The following SLCO2A1 variants were observed in gnomAD, a reference collection of about 807,000 sequenced individuals.
SLCO2A1 encodes the protein solute carrier organic anion transporter family member 2A1.
A neutral mutation model predicts 71.7 loss-of-function variants in SLCO2A1; 60 were observed. That is an observed-to-expected ratio of 0.84 (90% CI 0.68 to 1.04). The LOEUF is 1.04. SLCO2A1 is among the 50% of genes least tolerant of loss of function. The pLI, the probability that SLCO2A1 is intolerant of heterozygous loss-of-function variation, is 0.00. For synonymous variants in SLCO2A1, 308 were observed against 326.7 expected, an observed-to-expected ratio of 0.94 and a Z score of 0.62; for missense variants, 745 against 813.4, an observed-to-expected ratio of 0.92 and a Z score of 1.02.
intron 6 of SLCO2A1, 76 bp from the exon 7 acceptor site, chr3:133,949,047 T>C: frequency 3.0e-6 from 4 of 1,314,946 alleles, no homozygotes; most frequent in Non-Finnish European, 4.4e-6. Context: ...CTTGAGTCTC[T>C]GGCCTCAGAA....
intron 4 of SLCO2A1, 71 bp from the exon 5 acceptor site, chr3:133,953,832 T>A: frequency 8.6e-7 from 1 of 1,163,182 alleles, no homozygotes; most frequent in Non-Finnish European, 1.3e-6. Context: ...GCTCCCAAGC[T>A]GAGGGGGAGT....
intron 1 of SLCO2A1, among the ~76,000 whole-genome samples, chr3:133,997,699 CTG>C (rs1450794785): frequency 6.6e-6 from 1 of 152,226 alleles, no homozygotes; most frequent in African/African-American, 2.4e-5. Flanking sequence ...GAATACATCT[CTG>C]TTGTTTTAAG....
At chr3:133,956,212 G>A (rs1159663705) in intron 3 of SLCO2A1, among the ~76,000 whole-genome samples, 1 of 152,212 alleles carries the variant, frequency 6.6e-6, no homozygotes, top group African/African-American at 2.4e-5. Context: ...TGAGCTAGGT[G>A]AGCCTAAGTC....
At chr3:133,971,652 G>A (rs1339674439) in intron 3 of SLCO2A1, among the ~76,000 whole-genome samples, 1 of 152,094 alleles carries the variant, frequency 6.6e-6, no homozygotes, top group Non-Finnish European at 1.5e-5. Flanking sequence ...AAAATAGCCT[G>A]GTTTCTAAGC....
At position 133,973,764 on chromosome 3, in the gene SLCO2A1, C is replaced by T. The variant is rs192851611; in HGVS notation, c.296G>A (p.Arg99His). 165 of 1,613,922 alleles carry T rather than the reference C, an allele frequency of 1.0e-4. 1 individual carries two copies. The highest frequency in any genetic ancestry group is 2.3e-4 in the South Asian group (21 of 91,016). ...GAAGAGACCTCCGATGCCAATCAGA[C>T]GTGGACGGTGCACCCGGCTGCCAAA... is the stretch of plus-strand genomic sequence containing the variant. ...SYFGSRVHRP[R>H]LIGIGGLFLA... is the part of the protein sequence containing the mutation. Residue 99 changes from arginine to histidine, a missense_variant, in exon 3 of 14, where the codon CGT becomes CAT. Physicochemically the swap from Arg to His is conservative, Grantham distance 29. Transcript: ENST00000310926.
intron 2 of SLCO2A1, among the ~76,000 whole-genome samples, chr3:133,974,231 T>C (rs1374280332): frequency 6.6e-6 from 1 of 152,198 alleles, no homozygotes; most frequent in Non-Finnish European, 1.5e-5. Flanking sequence ...GTACCTAAAG[T>C]TTAGGCAAAA....
chr3:133,956,640 C>T (rs1933905489), intron 3 of SLCO2A1, among the ~76,000 whole-genome samples: 1 of 152,216 alleles, frequency 6.6e-6, no homozygotes, highest in Admixed American at 6.5e-5. Context: ...GTTCATTATC[C>T]TGCCTTTCAA....
intron 10 of SLCO2A1, among the ~76,000 whole-genome samples, chr3:133,944,782 A>G (rs1933520139): frequency 1.3e-5 from 2 of 152,162 alleles, no homozygotes; most frequent in Non-Finnish European, 2.9e-5. Flanking sequence ...ATCTCTCAGG[A>G]TGGGGCTCAA....
At chr3:133,979,365 G>T in intron 2 of SLCO2A1, 116 bp downstream of exon 2, 1 of 1,306,662 alleles carries the variant, frequency 7.7e-7, no homozygotes, top group Non-Finnish European at 1.1e-6. Flanking sequence ...TTACCCGGCA[G>T]AAAGAGGCAT....
Position 133,973,705 on chromosome 3 carries a change from G to A in SLCO2A1, c.355C>T (p.His119Tyr), listed in dbSNP as rs777556727. ...TACTGGTAGGGCTCGGAGAGGAAGT[G>A]TGGGAGGGTGAGGATGAAGGCACCT... ...AAGAFILTLP[H>Y]FLSEPYQYTL... Residue 119 changes from histidine to tyrosine, a missense_variant, in exon 3 of 14, where the codon CAC (histidine) becomes TAC (tyrosine). Transcript: ENST00000310926. 6.8e-6 allele frequency: 11 copies of A among 1,614,048 alleles called. No individual in the cohort carries two copies. The highest frequency in any genetic ancestry group is 1.6e-4 in the Middle Eastern group (1 of 6,076).
intron 1 of SLCO2A1, among the ~76,000 whole-genome samples, chr3:134,004,124 G>A (rs1935156158): frequency 1.4e-5 from 1 of 73,716 alleles, no homozygotes; most frequent in African/African-American, 3.9e-5. Flanking sequence ...GTGTGTGTGT[G>A]TGTGTGTGTG....
At position 133,935,394 on chromosome 3, in the gene SLCO2A1, G is replaced by C. The variant is rs367843151; in HGVS notation, c.1814+380C>G. On this transcript the variant is annotated intron_variant, in intron 13 of 13. Transcript: ENST00000310926. ...GACCTCTGCCAGGAGCCATGATGTGGCCCCCCTCTGTCTCTGAGCAGCAGG... is the reference window on the plus strand; with the variant it reads ...GACCTCTGCCAGGAGCCATGATGTGCCCCCCCTCTGTCTCTGAGCAGCAGG... Among the ~76,000 whole-genome samples the C allele has an allele frequency of 2.2e-3, 334 of 152,254 alleles. 3 individuals carry two copies. Among genetic ancestry groups the C allele is most frequent in the African/African-American group, 7.3e-3 (303 of 41,540 alleles).
intron 1 of SLCO2A1, 65 bp downstream of exon 1, chr3:134,029,642 G>A: frequency 1.5e-6 from 2 of 1,343,412 alleles, no homozygotes; most frequent in Non-Finnish European, 2.0e-6. Flanking sequence ...AGACAGAAGC[G>A]GGTGCCCAGC....
chr3:133,946,094 G>A (rs1470902459), intron 9 of SLCO2A1, among the ~76,000 whole-genome samples: 2 of 152,132 alleles, frequency 1.3e-5, no homozygotes, highest in African/African-American at 4.8e-5. Context: ...AGGCCCAAAG[G>A]CTTCTCGGCT....
intron 10 of SLCO2A1, among the ~76,000 whole-genome samples, chr3:133,943,857 G>A (rs1270007483): frequency 6.6e-6 from 1 of 152,218 alleles, no homozygotes; most frequent in Non-Finnish European, 1.5e-5. Flanking sequence ...GCCTTGCCCT[G>A]TCCTTTCAGA....
chr3:133,985,868 A>G (rs935276141), intron 1 of SLCO2A1, among the ~76,000 whole-genome samples: 5 of 152,232 alleles, frequency 3.3e-5, no homozygotes, highest in African/African-American at 7.2e-5. Context: ...TCTGTCTGCA[A>G]TCATTTATAC....
chr3:133,992,960 C>A (rs1222083700), intron 1 of SLCO2A1, among the ~76,000 whole-genome samples: 1 of 152,152 alleles, frequency 6.6e-6, no homozygotes, highest in African/African-American at 2.4e-5. Context: ...GTCATGAGTG[C>A]TGTCACACTG....
intron 9 of SLCO2A1, 90 bp from the exon 10 acceptor site, chr3:133,945,350 GA>G (rs1453304793): frequency 1.6e-6 from 2 of 1,266,362 alleles, no homozygotes; most frequent in Non-Finnish European, 2.2e-6. Context: ...CTGGCCTGGT[GA>G]GTGTGTCTGT....
chr3:133,952,881 C>T (rs1254366647), intron 5 of SLCO2A1, among the ~76,000 whole-genome samples: 5 of 152,096 alleles, frequency 3.3e-5, no homozygotes, highest in Admixed American at 1.3e-4. Flanking sequence ...CAGGCAGTCC[C>T]GTCCCAGCGC....
Sources: gnomAD v4.1 joint callset for allele counts (sites outside exome capture counted in the v4.1 genomes callset) on GRCh38, gnomAD v4.1.1 for gene constraint, MANE v1.5 for transcripts, NCBI Gene and HGNC (gene_info 2026-07-23, HGNC 2026-07-21) for gene names.